The following PODXL2 variants were observed in gnomAD, a reference collection of about 807,000 sequenced individuals.
PODXL2 encodes podocalyxin like 2.
Under a neutral mutation model 53.4 loss-of-function variants are expected in PODXL2, and 17 were observed. The ratio of observed to expected loss-of-function variants is 0.32; its 90% CI spans 0.22 to 0.48. The LOEUF (loss-of-function observed/expected upper bound fraction) is 0.48, where lower values mean the gene tolerates loss of function less well. Ranked by LOEUF, PODXL2 falls within the 20% of genes least tolerant of loss-of-function variation. The probability of loss-of-function intolerance (pLI) is 0.99; values close to 1 mark genes in which losing one functional copy is unlikely to be tolerated. For missense variants in PODXL2, 673 were observed against 760.0 expected, an observed-to-expected ratio of 0.89 and a Z score of 1.35; for synonymous variants, 311 against 306.7, an observed-to-expected ratio of 1.01 and a Z score of -0.15.
At chr3:127,651,110 G>A (rs540474032) in intron 2 of PODXL2, among the ~76,000 whole-genome samples, 73 of 152,126 alleles carry the variant, frequency 4.8e-4, no homozygotes, top group African/African-American at 1.3e-3. Flanking sequence ...ACTAAAATAC[G>A]AAAATTAGCC....
chr3:127,651,619 C>T (rs1404187319), intron 2 of PODXL2, among the ~76,000 whole-genome samples: 2 of 152,246 alleles, frequency 1.3e-5, no homozygotes, highest in Admixed American at 1.3e-4. Context: ...TCACCAGTGC[C>T]TGCCAGAGGG....
Position 127,639,530 on chromosome 3 carries a change from C to A in PODXL2, c.349+7C>A, listed in dbSNP as rs2074600919. The A allele has an allele frequency of 6.2e-7, 1 of 1,606,324 alleles. No homozygotes were observed. The highest frequency in any genetic ancestry group is 1.7e-5 in the Admixed American group (1 of 59,276). Reference sequence around the variant, plus strand: ...GACCTGGGACCCACTGCAGGTAGCTCTTCTTACCTACAGAGCATGTGTTGA... The same window carrying A: ...GACCTGGGACCCACTGCAGGTAGCTATTCTTACCTACAGAGCATGTGTTGA... On this transcript the variant is annotated splice_region_variant and intron_variant, in intron 2 of 7. Transcript: ENST00000342480.
rs1463947925 is a variant in PODXL2 at position 127,629,512 on chromosome 3, G to A, written c.70+223G>A. On this transcript the variant is annotated intron_variant, in intron 1 of 7. Coordinates refer to ENST00000342480, the MANE Select transcript of PODXL2 (RefSeq NM_015720.4). This position sits in a 1 kb window ranked among gnomAD's most constrained non-coding sequence, Gnocchi z 6.4. ...GCCGGGCGACCCCCGACAAAGGCGC[G>A]GCGGTGAAGCTGGGACACAGCACCG... Among the ~76,000 whole-genome samples the A allele has an allele frequency of 6.6e-6, 1 of 151,378 alleles. No homozygotes were observed. The highest frequency in any genetic ancestry group is 1.5e-5 in the Non-Finnish European group (1 of 67,754).
rs898806864 is a variant in PODXL2, at chr3:127,636,000, G to T, written c.71-3245G>T. On this transcript the variant is annotated intron_variant, in intron 1 of 7. Coordinates refer to ENST00000342480, the MANE Select transcript of PODXL2 (RefSeq NM_015720.4). ...TCCTGTTTTCCTGCAGGCTAGCCTT[G>T]AGCAGAATCCTGAGAGAATGGAAGC... is the stretch of plus-strand genomic sequence containing the variant. Among the ~76,000 whole-genome samples the T allele has an allele frequency of 8.5e-5, 13 of 152,182 alleles. 1 individual carries two copies. The highest frequency in any genetic ancestry group is 5.9e-4 in the Admixed American group (9 of 15,280).
chr3:127,653,138 G>A (rs943940397), intron 2 of PODXL2, among the ~76,000 whole-genome samples: 1 of 152,030 alleles, frequency 6.6e-6, no homozygotes, highest in South Asian at 2.1e-4. Flanking sequence ...TCAATGCAGC[G>A]AGTCCCTAGA....
chr3:127,669,540 G>T (rs1459043575), intron 6 of PODXL2, among the ~76,000 whole-genome samples: 1 of 152,198 alleles, frequency 6.6e-6, no homozygotes, highest in Non-Finnish European at 1.5e-5. Context: ...AGTTTTCTGG[G>T]TAGACAGTGG....
At chr3:127,637,515 C>G (rs1340913855) in intron 1 of PODXL2, among the ~76,000 whole-genome samples, 2 of 152,156 alleles carry the variant, frequency 1.3e-5, no homozygotes, top group African/African-American at 4.8e-5. Flanking sequence ...TCATTTGGTG[C>G]CCCTCACACT....
intron 6 of PODXL2, 30 bp from the exon 7 acceptor site, chr3:127,671,404 G>C (rs1445822561): frequency 6.2e-7 from 1 of 1,608,780 alleles, no homozygotes; most frequent in South Asian, 1.1e-5. Flanking sequence ...CAGGACCTCA[G>C]CTGAGGAAAC....
intron 6 of PODXL2, among the ~76,000 whole-genome samples, chr3:127,671,005 C>T (rs1030284024): frequency 1.3e-5 from 2 of 152,194 alleles, no homozygotes; most frequent in Non-Finnish European, 2.9e-5. Flanking sequence ...TCCACCCCTC[C>T]CCACCGAGGT....
chr3:127,661,712 C>T (rs1027761772), intron 3 of PODXL2, among the ~76,000 whole-genome samples: 2 of 152,132 alleles, frequency 1.3e-5, no homozygotes, highest in Non-Finnish European at 2.9e-5. Flanking sequence ...GCTGGGATTA[C>T]AGGCATTAGC....
rs1465065341 is a variant in PODXL2, at chr3:127,640,386, A to G, written c.349+863A>G. Among the ~76,000 whole-genome samples, 7 of 152,278 alleles carry G rather than the reference A, an allele frequency of 4.6e-5. No homozygotes were observed. In the South Asian group the frequency reaches 6.2e-4, roughly 14 times the overall value. ...ACACATGAACATTGTAGAAAATCTG[A>G]AACACACAAAAATAATACAAAGAAG... On this transcript the variant is annotated intron_variant, in intron 2 of 7. Coordinates refer to ENST00000342480, the MANE Select transcript of PODXL2 (RefSeq NM_015720.4).
intron 7 of PODXL2, 88 bp from the exon 8 acceptor site, chr3:127,672,180 C>G: frequency 9.3e-7 from 1 of 1,077,368 alleles, no homozygotes; most frequent in Non-Finnish European, 1.4e-6. Flanking sequence ...GCGGGAACCC[C>G]CTGGGTGGGG....
At chr3:127,644,263 C>T (rs2074639269) in intron 2 of PODXL2, among the ~76,000 whole-genome samples, 2 of 152,078 alleles carry the variant, frequency 1.3e-5, no homozygotes, top group Non-Finnish European at 1.5e-5. Flanking sequence ...AGGCGTGCCA[C>T]CATGCCCAGC....
Position 127,670,710 on chromosome 3 carries a change from C to T in PODXL2, c.1426-724C>T, listed in dbSNP as rs556250132. Among the ~76,000 whole-genome samples the T allele has an allele frequency of 1.6e-3, 239 of 152,324 alleles. 1 individual carries two copies. Among genetic ancestry groups the T allele is most frequent in the African/African-American group, 5.3e-3 (221 of 41,564 alleles). The stretch of plus-strand genomic sequence containing the variant: ...TCAGCACTGGGAACTGCCCTGATCC[C>T]TCACCTGAGGAGCCCCTGGTGGTGC... On this transcript the variant is annotated intron_variant, in intron 6 of 7. Coordinates refer to ENST00000342480, the MANE Select transcript of PODXL2 (RefSeq NM_015720.4).
intron 2 of PODXL2, among the ~76,000 whole-genome samples, chr3:127,658,726 T>C (rs2074741402): frequency 6.6e-6 from 1 of 152,186 alleles, no homozygotes; most frequent in African/African-American, 2.4e-5. Flanking sequence ...TTGCTCCTTA[T>C]AATTCTAAAA....
rs926509818 is a variant in PODXL2, at chr3:127,660,696, A to G, written c.668A>G (p.Glu223Gly). The change falls in exon 3 of 8, where the codon GAA becomes GGA. Residue 223 changes from glutamate to glycine, a missense_variant. Glu to Gly is a moderately conservative substitution (Grantham distance 98). Coordinates refer to ENST00000342480, the MANE Select transcript of PODXL2 (RefSeq NM_015720.4). ...CCAGGGGCCACCAAAAGCAGGCATG[A>G]AGACTCCGGGGACCAGGCCTCATCA... ...QTPGATKSRH[E>G]DSGDQASSGV... The G allele has an allele frequency of 6.2e-7, 1 of 1,614,092 alleles. No homozygotes were observed. Among genetic ancestry groups the G allele is most frequent in the African/African-American group, 1.3e-5 (1 of 74,934 alleles).
rs1352405376 is a variant in PODXL2 at position 127,629,226 on chromosome 3, C to T, written c.7C>T (p.Arg3Trp). MG[R>W]LLRAARLPPL... ...AGGCGGCGACGGCTACACCATGGGC[C>T]GGCTGCTGCGGGCCGCCCGGCTGCC... is the stretch of plus-strand genomic sequence containing the variant. The change falls in exon 1 of 8, where the codon CGG becomes TGG. Residue 3 changes from arginine to tryptophan, a missense_variant. Arg to Trp is a moderately radical substitution (Grantham distance 101). Transcript: ENST00000342480. This position sits in a 1 kb window ranked among gnomAD's most constrained non-coding sequence, Gnocchi z 6.4. 21 of 995,578 alleles carry T rather than the reference C, an allele frequency of 2.1e-5. No homozygotes were observed. The highest frequency in any genetic ancestry group is 7.0e-5 in the African/African-American group (4 of 56,758). 61.7% of individuals were successfully genotyped at this position (995,578 alleles called of 1,614,324 possible).
chr3:127,647,817 C>T (rs555221211), intron 2 of PODXL2, among the ~76,000 whole-genome samples: 1 of 152,312 alleles, frequency 6.6e-6, no homozygotes, highest in Admixed American at 6.5e-5. Flanking sequence ...GATGGTCTCC[C>T]TGAGTCCCAA....
At chr3:127,639,171 A>G in intron 1 of PODXL2, 74 bp from the exon 2 acceptor site, 1 of 1,428,538 alleles carries the variant, frequency 7.0e-7, no homozygotes, top group South Asian at 1.4e-5. Context: ...GTCATTTGAG[A>G]CATGCTCTAA....
Sources: allele counts gnomAD v4.1 joint callset (sites outside exome capture counted in the v4.1 genomes callset), GRCh38; gene constraint gnomAD v4.1.1; non-coding constraint Gnocchi (gnomAD v3.1); transcripts MANE v1.5; gene names NCBI Gene and HGNC (gene_info 2026-07-23, HGNC 2026-07-21).